The following TMCO1 variants were observed in gnomAD, a reference collection of about 807,000 sequenced individuals.
TMCO1 encodes calcium load-activated calcium channel.
A neutral mutation model predicts 29.3 loss-of-function variants in TMCO1; 29 were observed. That is an observed-to-expected ratio of 0.99 (90% confidence interval 0.74 to 1.35). TMCO1 has a LOEUF of 1.35. TMCO1 is among the 40% of genes most tolerant of loss of function. The pLI, the probability that TMCO1 is intolerant of heterozygous loss-of-function variation, is 0.00. For synonymous variants in TMCO1, 80 were observed against 77.1 expected, an observed-to-expected ratio of 1.04 and a Z score of -0.20; for missense variants, 173 against 225.5, an observed-to-expected ratio of 0.77 and a Z score of 1.49.
chr1:165,728,746 G>A (rs1237270469), intron 6 of TMCO1, among the ~76,000 whole-genome samples: 1 of 151,912 alleles, frequency 6.6e-6, no homozygotes, highest in Non-Finnish European at 1.5e-5. Context: ...TTTCTTATGG[G>A]CATTTTCTTT....
Position 165,754,257 on chromosome 1 carries a change from G to A in TMCO1, c.226C>T (p.Leu76=), listed in dbSNP as rs1652110272. ...GATAGATCTCTGTTGTTATTCTTCAGTTTCTCTTCTTGTCTCTCTGCAAAG... is the reference window on the plus strand; with the variant it reads ...GATAGATCTCTGTTGTTATTCTTCAATTTCTCTTCTTGTCTCTCTGCAAAG... ...KKKIERQEEK[L]KNNNRDLSMV... The change falls in exon 4 of 7, where the codon CTG becomes TTG. Residue 76 remains leucine, a synonymous_variant. Transcript: ENST00000367881. 2 of 1,610,884 alleles carry A rather than the reference G, an allele frequency of 1.2e-6. No homozygotes were observed. Among genetic ancestry groups the A allele is most frequent in the Middle Eastern group, 1.7e-4 (1 of 6,060 alleles).
intron 3 of TMCO1, among the ~76,000 whole-genome samples, chr1:165,758,016 T>C (rs939985020): frequency 1.3e-5 from 2 of 150,474 alleles, no homozygotes; most frequent in Non-Finnish European, 3.0e-5. Context: ...TCTCACTGTC[T>C]GCATTCTCAA....
chr1:165,752,566 T>G lies in TMCO1; in HGVS notation c.256-397A>C, dbSNP rs191406488. 1.8e-4 allele frequency among the ~76,000 whole-genome samples: 28 copies of G among 152,066 alleles called. 1 individual carries two copies. Among genetic ancestry groups the G allele is most frequent in the African/African-American group, 5.3e-4 (22 of 41,540 alleles). ...CATTGCGCCCAGCCTCACGTCATTT[T>G]TTTTTTAAATCTCCGTAGCAGTTCA... On this transcript the variant is annotated intron_variant, in intron 4 of 6. Coordinates refer to ENST00000367881, the MANE Select transcript of TMCO1 (RefSeq NM_019026.6).
chr1:165,763,237 T>C (rs1393458916), intron 2 of TMCO1, among the ~76,000 whole-genome samples: 1 of 152,230 alleles, frequency 6.6e-6, no homozygotes, highest in African/African-American at 2.4e-5. Flanking sequence ...GAATTCTGTA[T>C]TTGCAATTAA....
chr1:165,736,080 C>G (rs1307226799), intron 6 of TMCO1, among the ~76,000 whole-genome samples: 1 of 152,148 alleles, frequency 6.6e-6, no homozygotes, highest in African/African-American at 2.4e-5. Flanking sequence ...AAAAAGGTCC[C>G]GAAGAGCTGC....
rs1652324365 is a variant in TMCO1 at position 165,759,551 on chromosome 1, G to C, written c.182C>G (p.Ala61Gly). The part of the protein sequence containing the change: ...EKKKETITES[A>G]GRQQKKKIER... ...TATTTTCTTTTTCTGTTGTCGACCAGCTGACTCTGTTATTGTTTCCTTCTT... is the reference window on the plus strand; with the variant it reads ...TATTTTCTTTTTCTGTTGTCGACCACCTGACTCTGTTATTGTTTCCTTCTT... The change falls in exon 3 of 7, where the codon GCT becomes GGT. Residue 61 changes from alanine to glycine, a missense_variant. Physicochemically the swap from Ala to Gly is moderately conservative, Grantham distance 60. Coordinates refer to ENST00000367881, the MANE Select transcript of TMCO1 (RefSeq NM_019026.6). 3.1e-6 allele frequency: 5 copies of C among 1,612,592 alleles called. No homozygotes were observed. The highest frequency in any genetic ancestry group is 4.2e-6 in the Non-Finnish European group (5 of 1,179,268).
At chr1:165,756,044 G>C (rs1224974505) in intron 3 of TMCO1, among the ~76,000 whole-genome samples, 1 of 90,848 alleles carries the variant, frequency 1.1e-5, no homozygotes, top group Non-Finnish European at 2.3e-5. Context: ...TGGGCAGCTT[G>C]TTTAAAAAAA....
At chr1:165,726,266 G>C, downstream of TMCO1, 1 of 697,852 alleles carries the variant, frequency 1.4e-6, no homozygotes, top group Non-Finnish European at 2.6e-6. Context: ...GATAAAACTA[G>C]TCTCAGAATA....
At chr1:165,728,361 A>T (rs536580311) in intron 6 of TMCO1, among the ~76,000 whole-genome samples, 4 of 151,224 alleles carry the variant, frequency 2.6e-5, no homozygotes, top group African/African-American at 9.7e-5. Context: ...GGTTCACGTC[A>T]TTCTCCTGCC....
Position 165,743,272 on chromosome 1 carries a change from A to C in TMCO1, c.363T>G (p.Pro121=). 1.9e-6 allele frequency: 3 copies of C among 1,613,292 alleles called. No homozygotes were observed. The highest frequency in any genetic ancestry group is 1.7e-6 in the Non-Finnish European group (2 of 1,179,550). ...GRVVAKLPFT[P]LSYIQGLSHR... is the part of the protein sequence containing the mutation. ...GAGACAGTCCTTGGATGTAAGAAAG[A>C]GGGGTAAAAGGAAGCTTTGCCACCA... Residue 121 remains proline, a synonymous_variant, in exon 6 of 7, where the codon CCT becomes CCG. Transcript: ENST00000367881.
chr1:165,743,418 C>T, intron 5 of TMCO1, 107 bp from the exon 6 acceptor site: 1 of 1,193,322 alleles, frequency 8.4e-7, no homozygotes, highest in Non-Finnish European at 1.2e-6. Context: ...TCTCTGATCT[C>T]TGAAAAACAA....
intron 4 of TMCO1, among the ~76,000 whole-genome samples, chr1:165,753,765 C>G (rs1321015158): frequency 6.6e-6 from 1 of 152,040 alleles, no homozygotes; most frequent in African/African-American, 2.4e-5. Flanking sequence ...GAGCTCTGAT[C>G]GTGCTACTGC....
Position 165,768,423 on chromosome 1 carries a change from G to A in TMCO1, c.71-154C>T, listed in dbSNP as rs1034536908. The stretch of plus-strand genomic sequence containing the variant: ...AAAGGCTAATACAACTGACTCTTCA[G>A]CCAAAACAACAGTAACATGATGTGA... On this transcript the variant is annotated intron_variant, in intron 1 of 6. Transcript: ENST00000367881. 5 of 1,515,130 alleles carry A rather than the reference G, an allele frequency of 3.3e-6. No homozygotes were observed. The African/African-American group carries it at 4.1e-5, about 13-fold the overall frequency. The allele number at this position is 1,515,130 out of a possible 1,614,324, so 93.9% of individuals were successfully genotyped here.
intron 2 of TMCO1, among the ~76,000 whole-genome samples, chr1:165,766,026 G>T (rs987164926): frequency 2.0e-5 from 3 of 152,216 alleles, no homozygotes; most frequent in African/African-American, 7.2e-5. Context: ...AAAGTGGTCA[G>T]ATTCTGGATA....
At chr1:165,765,047 T>C (rs1012500864) in intron 2 of TMCO1, among the ~76,000 whole-genome samples, 2 of 152,210 alleles carry the variant, frequency 1.3e-5, no homozygotes, top group African/African-American at 2.4e-5. Context: ...AAATGTTTGT[T>C]AAACATTTAC....
downstream of TMCO1, chr1:165,725,599 C>G (rs1402093418): frequency 2.2e-6 from 1 of 453,978 alleles, no homozygotes. Flanking sequence ...GGGAAAATAA[C>G]CAAATTATGT....
chr1:165,739,434 C>A (rs1651505690), intron 6 of TMCO1, among the ~76,000 whole-genome samples: 1 of 152,058 alleles, frequency 6.6e-6, no homozygotes, highest in South Asian at 2.1e-4. Flanking sequence ...GTTGCCCAGG[C>A]TGGAGTGCAG....
intron 6 of TMCO1, among the ~76,000 whole-genome samples, chr1:165,739,280 TC>T (rs1443860028): frequency 6.6e-6 from 1 of 152,172 alleles, no homozygotes; most frequent in Non-Finnish European, 1.5e-5. Flanking sequence ...AGTTTGCCGA[TC>T]CGCACTGAAA....
Position 165,727,267 on chromosome 1 carries a change from C to T in TMCO1, c.*756G>A, listed in dbSNP as rs1413477981. ...AGGATATGAAGAGAACAGCTGAGGA[C>T]CCTCATTTTTATTTATTTATTTATA... On this transcript the variant is annotated 3_prime_UTR_variant, in exon 7 of 7. Transcript: ENST00000367881. The T allele has an allele frequency of 4.5e-6, 2 of 446,206 alleles. No homozygotes were observed. The highest frequency in any genetic ancestry group is 2.4e-5 in the Admixed American group (1 of 41,788). 27.6% of individuals were successfully genotyped at this position (446,206 alleles called of 1,614,324 possible). A position where few individuals can be genotyped will look rare whatever the true frequency, so the allele number is the denominator to read the frequency against.
Sources: allele counts gnomAD v4.1 joint callset (sites outside exome capture counted in the v4.1 genomes callset), GRCh38; gene constraint gnomAD v4.1.1; transcripts MANE v1.5; gene names NCBI Gene and HGNC (gene_info 2026-07-23, HGNC 2026-07-21).